Variants in RARS1 observed in about 807,000 individuals in gnomAD.
RARS1 encodes the protein arginine--tRNA ligase, cytoplasmic.
In RARS1, 75 loss-of-function variants were observed where a neutral mutation model predicts 78.7. The ratio of observed to expected loss-of-function variants is 0.95; its 90% CI spans 0.79 to 1.15. The LOEUF (loss-of-function observed/expected upper bound fraction) is 1.15. Ranked by LOEUF, RARS1 falls within the 50% of genes most tolerant of loss-of-function variation. The pLI is 0.00. For missense variants in RARS1, 787 were observed against 787.5 expected (o/e 1.00, Z 0.01); for synonymous variants, 273 against 268.2 (o/e 1.02, Z -0.18).
chr5:168,494,077 T>A (rs1758135530), intron 4 of RARS1, 75 bp downstream of exon 4: 5 of 1,400,224 alleles, frequency 3.6e-6, no homozygotes, highest in Non-Finnish European at 4.9e-6. Context: ...AGAACACACA[T>A]TTTAATTACA....
intron 2 of RARS1, 87 bp downstream of exon 2, chr5:168,488,823 T>C (rs746374599): frequency 5.5e-5 from 78 of 1,409,018 alleles, no homozygotes; most frequent in Non-Finnish European, 5.9e-5. Context: ...TCTGGAAGTA[T>C]ATCCTATGGA....
chr5:168,492,991 T>TG (rs529901754), intron 3 of RARS1, 144 bp downstream of exon 3: 40 of 776,226 alleles, frequency 5.2e-5, no homozygotes, highest in African/African-American at 5.2e-5. Flanking sequence ...AGAAAGGAGT[T>TG]GGGGGGGTAT....
At chr5:168,513,000 AATGATATTG>A (rs1758594654) in intron 12 of RARS1, among the ~76,000 whole-genome samples, 1 of 152,082 alleles carries the variant, frequency 6.6e-6, no homozygotes, top group African/African-American at 2.4e-5. Context: ...TCTGATGAAT[AATGATATTG>A]ATGATATTGA....
intron 7 of RARS1, among the ~76,000 whole-genome samples, chr5:168,500,301 C>T (rs1257159752): frequency 1.3e-5 from 2 of 151,216 alleles, no homozygotes; most frequent in African/African-American, 4.9e-5. Flanking sequence ...GTTAGCTATT[C>T]TGTACTAACC....
intron 9 of RARS1, among the ~76,000 whole-genome samples, chr5:168,504,837 A>AG (rs1758405063): frequency 6.6e-6 from 1 of 152,006 alleles, no homozygotes; most frequent in South Asian, 2.1e-4. Flanking sequence ...AAAAAAAAAA[A>AG]TTAGCCAGGC....
At chr5:168,488,518 C>G (rs969493711) in intron 1 of RARS1, 84 bp from the exon 2 acceptor site, 10 of 1,400,580 alleles carry the variant, frequency 7.1e-6, no homozygotes, top group Non-Finnish European at 9.7e-6. Flanking sequence ...ATTAATGATT[C>G]CCATGGTCTA....
intron 2 of RARS1, among the ~76,000 whole-genome samples, chr5:168,489,521 T>A (rs1165524114): frequency 6.6e-6 from 1 of 152,192 alleles, no homozygotes; most frequent in Non-Finnish European, 1.5e-5. Context: ...TCAAAACACT[T>A]TTTTTCCCCA....
In RARS1 at chr5:168,518,069, G is replaced by GTGTTTTTTTTTTT; in HGVS notation, c.1873+8_1873+9insGTTTTTTTTTTTT. 1.5e-6 allele frequency: 1 copy of GTGTTTTTTTTTTT among 675,706 alleles called. No homozygotes were observed. The allele number at this position is 675,706 out of a possible 1,614,324, so 41.9% of individuals were successfully genotyped here. A position where few individuals can be genotyped will look rare whatever the true frequency, so the allele number is the denominator to read the frequency against. ...GAGAAAGATAGACAGACTGGTGAGT[G>GTGTTTTTTTTTTT]TCTTTTTTTTTTTTTTTTTTTTTTT... On this transcript the variant is annotated splice_region_variant and intron_variant, in intron 14 of 14. Coordinates refer to ENST00000231572, the MANE Select transcript of RARS1 (RefSeq NM_002887.4).
Position 168,500,634 on chromosome 5 carries a change from G to A in RARS1, c.866G>A (p.Arg289Gln), listed in dbSNP as rs773942659. 2.5e-6 allele frequency: 4 copies of A among 1,604,718 alleles called. No individual in the cohort carries two copies. Among genetic ancestry groups the A allele is most frequent in the African/African-American group, 1.3e-5 (1 of 74,368 alleles). ...RFDTEEEFKK[R>Q]AYQCVVLLQG... is the part of the protein sequence containing the mutation. Reference sequence around the variant, plus strand: ...GATACTGAGGAGGAATTTAAGAAGCGAGCATATCAGTGTGTAGTTCTGCTC... The same window carrying A: ...GATACTGAGGAGGAATTTAAGAAGCAAGCATATCAGTGTGTAGTTCTGCTC... Residue 289 changes from arginine (R) to glutamine (Q), a missense_variant, in exon 8 of 15, where the codon CGA (arginine) becomes CAA (glutamine). Physicochemically the swap from Arg to Gln is conservative, Grantham distance 43. Coordinates refer to ENST00000231572, the MANE Select transcript of RARS1 (RefSeq NM_002887.4).
At chr5:168,514,278 T>G (rs1758622157) in intron 12 of RARS1, among the ~76,000 whole-genome samples, 1 of 152,246 alleles carries the variant, frequency 6.6e-6, no homozygotes, top group Admixed American at 6.5e-5. Flanking sequence ...TTAGGAGAAT[T>G]CTTGGCCCTA....
intron 11 of RARS1, among the ~76,000 whole-genome samples, chr5:168,508,793 G>A (rs17732105): frequency 0.041 from 6,257 of 151,862 alleles, 436 homozygotes; most frequent in Admixed American, 0.18. Flanking sequence ...TTGTACATCT[G>A]TTTATTGAGG....
At chr5:168,490,651 G>A (rs895190598) in intron 2 of RARS1, among the ~76,000 whole-genome samples, 1 of 152,158 alleles carries the variant, frequency 6.6e-6, no homozygotes, top group Non-Finnish European at 1.5e-5. Context: ...TCACCCTGTC[G>A]TTTTTCCCTG....
intron 12 of RARS1, among the ~76,000 whole-genome samples, chr5:168,514,286 C>T (rs1487138282): frequency 6.6e-6 from 1 of 152,132 alleles, no homozygotes; most frequent in African/African-American, 2.4e-5. Flanking sequence ...ATTCTTGGCC[C>T]TATCTCTTCA....
intron 2 of RARS1, among the ~76,000 whole-genome samples, chr5:168,489,406 A>G (rs1676503975): frequency 6.6e-6 from 1 of 152,210 alleles, no homozygotes; most frequent in Non-Finnish European, 1.5e-5. Flanking sequence ...CTCTATCATA[A>G]AGGAAATATT....
At chr5:168,509,450 C>A (rs1032122472) in intron 11 of RARS1, among the ~76,000 whole-genome samples, 7 of 136,352 alleles carry the variant, frequency 5.1e-5, no homozygotes, top group Non-Finnish European at 9.4e-5. Context: ...CCCCCCCCCC[C>A]CACCAAAAAA....
At chr5:168,491,244 C>G (rs1229226973) in intron 2 of RARS1, among the ~76,000 whole-genome samples, 1 of 152,172 alleles carries the variant, frequency 6.6e-6, no homozygotes, top group East Asian at 1.9e-4. Flanking sequence ...CCTGTAATCT[C>G]AATGCTTTGG....
intron 6 of RARS1, 21 bp from the exon 7 acceptor site, chr5:168,497,207 A>G (rs371058443): frequency 1.0e-4 from 148 of 1,423,598 alleles, no homozygotes; most frequent in Non-Finnish European, 1.0e-4. Context: ...AAATGATTAT[A>G]TATTCTCTGA....
intron 11 of RARS1, 77 bp from the exon 12 acceptor site, chr5:168,510,504 C>T: frequency 2.6e-6 from 3 of 1,149,156 alleles, no homozygotes; most frequent in African/African-American, 1.6e-5. Context: ...GGTCAGGTCT[C>T]TCAAACCTTC....
chr5:168,495,249 A>G, intron 5 of RARS1, 66 bp from the exon 6 acceptor site: 2 of 1,538,422 alleles, frequency 1.3e-6, no homozygotes, highest in African/African-American at 1.4e-5. Flanking sequence ...TGCTCCTCTT[A>G]AAAAAATCTT....
Sources: allele counts gnomAD v4.1 joint callset (sites outside exome capture counted in the v4.1 genomes callset), GRCh38; gene constraint gnomAD v4.1.1; transcripts MANE v1.5; gene names NCBI Gene and HGNC (gene_info 2026-07-23, HGNC 2026-07-21).